ANKRD11: variants seen among roughly 807,000 people sequenced by gnomAD.
ANKRD11 encodes the protein ankyrin repeat domain 11, also known as ankyrin repeat domain-containing protein 11.
ANKRD11 carries 17 observed loss-of-function variants against 195.7 expected under a neutral mutation model. The observed-to-expected ratio is 0.09, with a 90% CI of 0.06 to 0.13. The LOEUF is 0.13. ANKRD11 is among the 10% of genes least tolerant of loss of function. The pLI, the probability that ANKRD11 is intolerant of heterozygous loss-of-function variation, is 1.00. For synonymous variants in ANKRD11, 1,953 were observed against 1,528.1 expected, an observed-to-expected ratio of 1.28 and a Z score of -6.49; for missense variants, 3,735 against 3,566.1, an observed-to-expected ratio of 1.05 and a Z score of -1.21.
chr16:89,318,969 C>G (rs996757155), intron 2 of ANKRD11, among the ~76,000 whole-genome samples: 6 of 152,224 alleles, frequency 3.9e-5, no homozygotes, highest in African/African-American at 1.4e-4. Flanking sequence ...ACCGGAATGT[C>G]TCAGCCTGGA....
intron 1 of ANKRD11, among the ~76,000 whole-genome samples, chr16:89,482,599 G>C (rs1212331082): frequency 2.0e-5 from 3 of 152,280 alleles, no homozygotes; most frequent in Admixed American, 6.5e-5. Context: ...GCAGTGCTCG[G>C]GTGGGCCCAA....
intron 2 of ANKRD11, among the ~76,000 whole-genome samples, chr16:89,386,413 G>GGAGA (rs1479660326): frequency 2.6e-5 from 4 of 152,170 alleles, no homozygotes; most frequent in Admixed American, 6.5e-5. Flanking sequence ...CTTTACCCAA[G>GGAGA]GAGACGCCAG....
At chr16:89,470,520 G>A (rs368871331) in intron 1 of ANKRD11, among the ~76,000 whole-genome samples, 2 of 110,030 alleles carry the variant, frequency 1.8e-5, no homozygotes, top group African/African-American at 6.4e-5. Context: ...TGAGAAAGGA[G>A]GGTAAATACT....
At chr16:89,471,097 A>G (rs1393252003) in intron 1 of ANKRD11, among the ~76,000 whole-genome samples, 3 of 152,194 alleles carry the variant, frequency 2.0e-5, no homozygotes, top group African/African-American at 7.2e-5. Context: ...TCACTCCTGT[A>G]ATCCCAGCAC....
chr16:89,369,845 T>C (rs1171174571), intron 2 of ANKRD11, among the ~76,000 whole-genome samples: 2 of 152,314 alleles, frequency 1.3e-5, no homozygotes, highest in Admixed American at 6.5e-5. Context: ...CTGGGGAAGC[T>C]TGGCAATGTG....
intron 1 of ANKRD11, among the ~76,000 whole-genome samples, chr16:89,478,523 G>A (rs2057335866): frequency 6.6e-6 from 1 of 152,084 alleles, no homozygotes; most frequent in Non-Finnish European, 1.5e-5. Flanking sequence ...AGGACCCACT[G>A]CCCTCCAAAA....
At chr16:89,438,654 A>G (rs916354004) in intron 1 of ANKRD11, among the ~76,000 whole-genome samples, 1 of 152,150 alleles carries the variant, frequency 6.6e-6, no homozygotes, top group Non-Finnish European at 1.5e-5. Context: ...CTAAAAAAAG[A>G]CATACTGGGT....
intron 1 of ANKRD11, among the ~76,000 whole-genome samples, chr16:89,452,430 C>G (rs1273237629): frequency 6.6e-6 from 1 of 152,134 alleles, no homozygotes; most frequent in African/African-American, 2.4e-5. Context: ...CTCCCACACC[C>G]TGGGCGTGAT....
intron 4 of ANKRD11, chr16:89,297,510 T>A (rs1369726301): frequency 1.3e-5 from 2 of 152,076 alleles, no homozygotes; most frequent in Admixed American, 1.3e-4. Context: ...TTCAAAGCCA[T>A]GAAATACAGC....
At chr16:89,386,032 G>A (rs895859934) in intron 2 of ANKRD11, among the ~76,000 whole-genome samples, 60 of 152,202 alleles carry the variant, frequency 3.9e-4, no homozygotes, top group Non-Finnish European at 6.2e-4. Flanking sequence ...GGTGTGCGCC[G>A]CCATGCCCGC....
rs532541415 is a variant in ANKRD11 at position 89,481,973 on chromosome 16, T to C, written c.-145+8272A>G. Among the ~76,000 whole-genome samples, 2 of 152,150 alleles carry C rather than the reference T, an allele frequency of 1.3e-5. 1 individual carries two copies. Among genetic ancestry groups the C allele is most frequent in the South Asian group, 4.2e-4 (2 of 4,802 alleles). ...CTTAAATCTCCCAGGTCACAGAGCC[T>C]TTCCCTCCTCTGATCTATGATCTCT... On this transcript the variant is annotated intron_variant, in intron 1 of 12. Coordinates refer to ENST00000301030, the MANE Select transcript of ANKRD11 (RefSeq NM_013275.6).
At chr16:89,363,913 C>T (rs2039839408) in intron 2 of ANKRD11, among the ~76,000 whole-genome samples, 1 of 152,096 alleles carries the variant, frequency 6.6e-6, no homozygotes, top group Non-Finnish European at 1.5e-5. Context: ...AAAAAAATTA[C>T]CCAGGTATGA....
intron 6 of ANKRD11, among the ~76,000 whole-genome samples, chr16:89,289,944 CGCT>C (rs1478615855): frequency 1.2e-4 from 19 of 152,246 alleles, no homozygotes; most frequent in Non-Finnish European, 2.4e-4. Flanking sequence ...TTGGGAACAT[CGCT>C]TGAGCCCAGG....
chr16:89,412,891 A>C (rs904875092), intron 2 of ANKRD11, among the ~76,000 whole-genome samples: 6 of 152,136 alleles, frequency 3.9e-5, no homozygotes, highest in African/African-American at 1.4e-4. Context: ...TCAGCAGAGG[A>C]CAGAGGACAG....
At chr16:89,399,427 G>A (rs553963266) in intron 2 of ANKRD11, among the ~76,000 whole-genome samples, 48 of 152,282 alleles carry the variant, frequency 3.2e-4, no homozygotes, top group Middle Eastern at 3.4e-3. Context: ...CACGCTGTAC[G>A]GTTCCGACTC....
intron 1 of ANKRD11, among the ~76,000 whole-genome samples, chr16:89,435,850 C>T (rs925755393): frequency 2.0e-5 from 3 of 149,034 alleles, no homozygotes; most frequent in African/African-American, 4.9e-5. Flanking sequence ...TCGGTCTGTT[C>T]GCTCAAGGAA....
intron 3 of ANKRD11, among the ~76,000 whole-genome samples, chr16:89,310,855 G>A (rs1387655340): frequency 1.3e-5 from 2 of 152,204 alleles, no homozygotes; most frequent in African/African-American, 4.8e-5. Context: ...CTCCATCAAT[G>A]TCTGTGAATA....
chr16:89,426,225 T>C (rs1345735159), intron 1 of ANKRD11, among the ~76,000 whole-genome samples: 2 of 151,970 alleles, frequency 1.3e-5, no homozygotes, highest in South Asian at 2.1e-4. Context: ...AAGGAAGCTG[T>C]AGATCAGAAA....
chr16:89,456,911 G>A (rs2056460855), intron 1 of ANKRD11, among the ~76,000 whole-genome samples: 1 of 151,078 alleles, frequency 6.6e-6, no homozygotes, highest in Non-Finnish European at 1.5e-5. Context: ...CCATGGAATT[G>A]TACACATTCA....
Sources: allele counts gnomAD v4.1 joint callset (sites outside exome capture counted in the v4.1 genomes callset), GRCh38; gene constraint gnomAD v4.1.1; transcripts MANE v1.5; gene names NCBI Gene and HGNC (gene_info 2026-07-23, HGNC 2026-07-21).